HYOU1: variants seen among roughly 807,000 people sequenced by gnomAD.
HYOU1 encodes the protein hypoxia up-regulated protein 1.
HYOU1 carries 40 observed loss-of-function variants against 120.5 expected under a neutral mutation model. That is an observed-to-expected ratio of 0.33 (90% CI 0.26 to 0.43). The LOEUF (loss-of-function observed/expected upper bound fraction) is 0.43. Among genes scored for constraint, HYOU1 ranks in the 20% least tolerant of loss-of-function variants. The pLI is 1.00. For missense variants in HYOU1, 1,085 were observed against 1,278.3 expected, an observed-to-expected ratio of 0.85 and a Z score of 2.31; for synonymous variants, 501 against 479.4, an observed-to-expected ratio of 1.05 and a Z score of -0.59.
At chr11:119,054,720 G>A (rs2133607707) in intron 6 of HYOU1, 45 bp from the exon 7 acceptor site, 1 of 1,576,234 alleles carries the variant, frequency 6.3e-7, no homozygotes, top group Non-Finnish European at 8.6e-7. Flanking sequence ...CCATACCTTA[G>A]ATGAGGGCTT....
chr11:119,045,629 T>G lies in HYOU1; in HGVS notation c.2964A>C (p.Thr988=). ...GAEPEQKEQS[T]GQKRPLKNDE... is the part of the protein sequence containing the mutation. Reference sequence around the variant, plus strand: ...CGTTCTTCAAAGGCCGCTTCTGTCCTGTCGATTGTTCTTTCTGTTCAGGTT... The same window carrying G: ...CGTTCTTCAAAGGCCGCTTCTGTCCGGTCGATTGTTCTTTCTGTTCAGGTT... Residue 988 remains threonine (T), a synonymous_variant, in exon 26 of 26, where the codon ACA becomes ACC. Coordinates refer to ENST00000617285, the MANE Select transcript of HYOU1 (RefSeq NM_006389.5). The G allele has an allele frequency of 6.2e-7, 1 of 1,614,228 alleles. No homozygotes were observed. The highest frequency in any genetic ancestry group is 8.5e-7 in the Non-Finnish European group (1 of 1,180,044).
chr11:119,056,448 C>A (rs547638914), intron 1 of HYOU1: 1 of 516,522 alleles, frequency 1.9e-6, no homozygotes, highest in East Asian at 5.0e-5. Flanking sequence ...GAGACCCGAG[C>A]CTTTTGTCCA....
Position 119,046,435 on chromosome 11 carries a change from G to A in HYOU1, c.2869C>T (p.Pro957Ser), listed in dbSNP as rs2133549879. ...QTEDAEPISE[P>S]EKVETGSEPG... ...AACTCACCAGTCTCTACTTTCTCAG[G>A]TTCTGAAATGGGCTCTGCATCTTCA... The change falls in exon 24 of 26, where the codon CCT becomes TCT. Residue 957 changes from proline to serine, a missense_variant. Pro to Ser is a moderately conservative substitution (Grantham distance 74). This residue lies in a region of HYOU1 where 516 missense variants were observed against 517.1 expected (regional missense o/e 1.00). Transcript: ENST00000617285. 2 of 1,614,118 alleles carry A rather than the reference G, an allele frequency of 1.2e-6. No individual in the cohort carries two copies. Among genetic ancestry groups the A allele is most frequent in the Non-Finnish European group, 1.7e-6 (2 of 1,180,028 alleles).
At position 119,051,713 on chromosome 11, in the gene HYOU1, A is replaced by AC; in HGVS notation, c.1339-89dup. ...TAAGGATGGGGGTGGGATGGGGGAG[A>AC]CCTCTTAGCAGAAAGACAAAGGGAT... On this transcript the variant is annotated intron_variant, in intron 12 of 25. Coordinates refer to ENST00000617285, the MANE Select transcript of HYOU1 (RefSeq NM_006389.5). The surrounding 1 kb of genome is among the most constrained non-coding windows in gnomAD (Gnocchi z 4.2). The AC allele has an allele frequency of 6.3e-7, 1 of 1,593,040 alleles. No individual in the cohort carries two copies. Among genetic ancestry groups the AC allele is most frequent in the Non-Finnish European group, 8.6e-7 (1 of 1,164,418 alleles).
intron 14 of HYOU1, among the ~76,000 whole-genome samples, chr11:119,050,342 G>A (rs1347472346): frequency 6.6e-6 from 1 of 152,048 alleles, no homozygotes; most frequent in African/African-American, 2.4e-5. Flanking sequence ...GAACCCGGGA[G>A]GCGGAGGTTG....
Position 119,049,040 on chromosome 11 carries a change from T to C in HYOU1, c.1970A>G (p.Asn657Ser), listed in dbSNP as rs1944253990. 6.2e-7 allele frequency: 1 copy of C among 1,614,028 alleles called. No homozygotes were observed. The highest frequency in any genetic ancestry group is 1.7e-5 in the Admixed American group (1 of 59,998). Reference sequence around the variant, plus strand: ...CACCTGGGCCTCAGACTTGTCCCCATTTTCTTTTTCTGTGGCCTTTTCTCC... The same window carrying C: ...CACCTGGGCCTCAGACTTGTCCCCACTTTCTTTTTCTGTGGCCTTTTCTCC... ...PEGEKATEKE[N>S]GDKSEAQKPS... The change falls in exon 17 of 26, where the codon AAT (asparagine) becomes AGT (serine). Residue 657 changes from asparagine to serine, a missense_variant. By Grantham distance (46) the Asn-to-Ser change is conservative. Transcript: ENST00000617285.
intron 24 of HYOU1, among the ~76,000 whole-genome samples, chr11:119,046,125 TC>T (rs1447906038): frequency 6.6e-6 from 1 of 151,984 alleles, no homozygotes; most frequent in Non-Finnish European, 1.5e-5. Context: ...CACGCCTGAC[TC>T]TTTTTTTTGG....
Position 119,051,482 on chromosome 11 carries a change from G to C in HYOU1, c.1482C>G (p.His494Gln). 6.2e-7 allele frequency: 1 copy of C among 1,614,138 alleles called. No individual in the cohort carries two copies. The highest frequency in any genetic ancestry group is 8.5e-7 in the Non-Finnish European group (1 of 1,180,018). ...FNRYSHDFNFHINYGDLGFLG... is the reference protein window; with the variant it reads ...FNRYSHDFNFQINYGDLGFLG... Reference sequence around the variant, plus strand: ...GGAAGCCCAGGTCGCCGTAGTTGATGTGGAAGTTGAAATCATGGCTGTAGC... The same window carrying C: ...GGAAGCCCAGGTCGCCGTAGTTGATCTGGAAGTTGAAATCATGGCTGTAGC... The change falls in exon 13 of 26, where the codon CAC (histidine) becomes CAG (glutamine). Residue 494 changes from histidine to glutamine, a missense_variant. Around this residue, in one of 4 missense-constraint regions of HYOU1, gnomAD observed 515 missense variants for 677.8 expected, o/e 0.76. Coordinates refer to ENST00000617285, the MANE Select transcript of HYOU1 (RefSeq NM_006389.5). This position sits in a 1 kb window ranked among gnomAD's most constrained non-coding sequence, Gnocchi z 4.2.
Position 119,055,544 on chromosome 11 carries a change from G to T in HYOU1, c.213C>A (p.Ile71=), listed in dbSNP as rs2133614064. 4 of 1,613,880 alleles carry T rather than the reference G, an allele frequency of 2.5e-6. No homozygotes were observed. Among genetic ancestry groups the T allele is most frequent in the Non-Finnish European group, 2.5e-6 (3 of 1,179,978 alleles). ...NKESRRKTPV[I]VTLKENERFF... Reference sequence around the variant, plus strand: ...ATCTTTCATTTTCTTTCAGGGTCACGATCACCGGTGTTTTCCTCCGAGATT... The same window carrying T: ...ATCTTTCATTTTCTTTCAGGGTCACTATCACCGGTGTTTTCCTCCGAGATT... Residue 71 remains isoleucine (I), a synonymous_variant, in exon 4 of 26, where the codon ATC becomes ATA. Transcript: ENST00000617285. This position sits in a 1 kb window ranked among gnomAD's most constrained non-coding sequence, Gnocchi z 4.0.
At chr11:119,050,374 C>T (rs1040493414) in intron 14 of HYOU1, among the ~76,000 whole-genome samples, 1 of 151,960 alleles carries the variant, frequency 6.6e-6, no homozygotes, top group Non-Finnish European at 1.5e-5. Context: ...CACTGTACTC[C>T]AGCCTGGACA....
Position 119,048,153 on chromosome 11 carries a change from T to C in HYOU1, c.2377-73A>G. 8.1e-6 allele frequency: 13 copies of C among 1,611,330 alleles called. No homozygotes were observed. The highest frequency in any genetic ancestry group is 1.0e-5 in the Non-Finnish European group (12 of 1,179,354). ...GCCTGGAGTCAGCCCCATGTCCTTCTTTATGGGCTCAAGCCCCAGCTCTTC... is the reference window on the plus strand; with the variant it reads ...GCCTGGAGTCAGCCCCATGTCCTTCCTTATGGGCTCAAGCCCCAGCTCTTC... On this transcript the variant is annotated intron_variant, in intron 20 of 25. Coordinates refer to ENST00000617285, the MANE Select transcript of HYOU1 (RefSeq NM_006389.5). This position sits in a 1 kb window ranked among gnomAD's most constrained non-coding sequence, Gnocchi z 4.7.
intron 21 of HYOU1, 49 bp from the exon 22 acceptor site, chr11:119,047,867 A>C (rs2133559068): frequency 6.2e-7 from 1 of 1,612,644 alleles, no homozygotes; most frequent in Admixed American, 1.7e-5. Context: ...AGGGGCCTGG[A>C]GTGTGGGGAG....
At position 119,045,773 on chromosome 11, in the gene HYOU1, A is replaced by G. The variant is rs1944025947; in HGVS notation, c.2938+8T>C. The stretch of plus-strand genomic sequence containing the variant: ...GGCTTCCCACCGTAGCCCCGGCTCC[A>G]TCCTCACCTGCTCCAGGACCTCCTA... On this transcript the variant is annotated splice_region_variant and intron_variant, in intron 25 of 25. Coordinates refer to ENST00000617285, the MANE Select transcript of HYOU1 (RefSeq NM_006389.5). The G allele has an allele frequency of 1.2e-6, 2 of 1,612,898 alleles. No homozygotes were observed. Among genetic ancestry groups the G allele is most frequent in the African/African-American group, 2.7e-5 (2 of 74,736 alleles).
chr11:119,046,743 C>A lies in HYOU1; in HGVS notation c.2655G>T (p.Val885=), dbSNP rs2133552990. The A allele has an allele frequency of 1.2e-6, 2 of 1,607,666 alleles. No individual in the cohort carries two copies. Among genetic ancestry groups the A allele is most frequent in the Non-Finnish European group, 1.7e-6 (2 of 1,180,012 alleles). ...QAKLPATEKP[V]LLSKDIEAKM... is the part of the protein sequence containing the mutation. ...TAGCTTCAATGTCTTTTGAGAGCAACACAGGCTTCTCTGTGGCGGGCAGCT... is the reference window on the plus strand; with the variant it reads ...TAGCTTCAATGTCTTTTGAGAGCAAAACAGGCTTCTCTGTGGCGGGCAGCT... The change falls in exon 23 of 26, where the codon GTG becomes GTT. Residue 885 remains valine (V), a synonymous_variant. Transcript: ENST00000617285.
In HYOU1 at chr11:119,052,098, G is replaced by A. The variant is rs2133590323; in HGVS notation, c.1197C>T (p.Ala399=). Residue 399 remains alanine (A), a synonymous_variant, in exon 11 of 26, where the codon GCC becomes GCT. Coordinates refer to ENST00000617285, the MANE Select transcript of HYOU1 (RefSeq NM_006389.5). This position sits in a 1 kb window ranked among gnomAD's most constrained non-coding sequence, Gnocchi z 5.0. ...VPRVQEVLLK[A]VGKEELGKNI... ...CTAGCCCCCACACTCACTTGCCCAC[G>A]GCCTTCAGCAGCACCTCCTGAACTC... The A allele has an allele frequency of 1.1e-5, 17 of 1,614,102 alleles. No homozygotes were observed. Among genetic ancestry groups the A allele is most frequent in the South Asian group, 4.4e-5 (4 of 91,080 alleles).
At position 119,056,603 on chromosome 11, in the gene HYOU1, G is replaced by C. The variant is rs144092248; in HGVS notation, c.-8+417C>G. Among the ~76,000 whole-genome samples, 378 of 152,362 alleles carry C rather than the reference G, an allele frequency of 2.5e-3. 1 individual carries two copies. Among genetic ancestry groups the C allele is most frequent in the African/African-American group, 8.4e-3 (349 of 41,596 alleles). Reference sequence around the variant, plus strand: ...CGGGGAAAGCCAGCTGGGCCTGGACGGGAAGAGAAAGGTAATGACGTTGGG... The same window carrying C: ...CGGGGAAAGCCAGCTGGGCCTGGACCGGAAGAGAAAGGTAATGACGTTGGG... On this transcript the variant is annotated intron_variant, in intron 1 of 25. Coordinates refer to ENST00000617285, the MANE Select transcript of HYOU1 (RefSeq NM_006389.5).
In HYOU1 at chr11:119,055,175, G is replaced by A. The variant is rs2133610813; in HGVS notation, c.419+10C>T. ...GTTGCCGAGACCACCTTCCCCAACA[G>A]AGCACTCACGAGCTGATCTGAAAGT... On this transcript the variant is annotated intron_variant, in intron 5 of 25. Coordinates refer to ENST00000617285, the MANE Select transcript of HYOU1 (RefSeq NM_006389.5). The surrounding 1 kb of genome is among the most constrained non-coding windows in gnomAD (Gnocchi z 4.0). 6 of 1,612,086 alleles carry A rather than the reference G, an allele frequency of 3.7e-6. No individual in the cohort carries two copies. Among genetic ancestry groups the A allele is most frequent in the South Asian group, 1.1e-5 (1 of 90,932 alleles).
In HYOU1 at chr11:119,045,004, T is replaced by G. The variant is rs1943982883; in HGVS notation, c.*589A>C. ...GCAAGGGGCAGAGAACTGCCCAATT[T>G]GCTGCAGGAAGCCAAGGAAACCCAG... On this transcript the variant is annotated 3_prime_UTR_variant, in exon 26 of 26. Transcript: ENST00000617285. The G allele has an allele frequency of 2.4e-6, 1 of 422,384 alleles. No homozygotes were observed. The highest frequency in any genetic ancestry group is 5.0e-6 in the Non-Finnish European group (1 of 201,650). 26.2% of individuals were successfully genotyped at this position (422,384 alleles called of 1,614,324 possible).
Position 119,051,158 on chromosome 11 carries a change from C to G in HYOU1, c.1542G>C (p.Gln514His). ...CTTTTAGCTTCACTGTGGTCAGATT[C>G]TGGGAGCCAAATACCCTGGTTGGGA... ...GPEDLRVFGS[Q>H]NLTTVKLKGV... Residue 514 changes from glutamine (Q) to histidine (H), a missense_variant, in exon 14 of 26, where the codon CAG (glutamine) becomes CAC (histidine). Around this residue, in one of 4 missense-constraint regions of HYOU1, gnomAD observed 515 missense variants for 677.8 expected, o/e 0.76. Transcript: ENST00000617285. This position sits in a 1 kb window ranked among gnomAD's most constrained non-coding sequence, Gnocchi z 4.2. 7 of 1,614,208 alleles carry G rather than the reference C, an allele frequency of 4.3e-6. No homozygotes were observed. Among genetic ancestry groups the G allele is most frequent in the Non-Finnish European group, 5.1e-6 (6 of 1,180,030 alleles).
Sources: gnomAD v4.1 joint callset for allele counts (sites outside exome capture counted in the v4.1 genomes callset) on GRCh38, gnomAD v4.1.1 for gene constraint, gnomAD v4.1.1 regional missense constraint, Gnocchi (gnomAD v3.1) non-coding constraint, MANE v1.5 for transcripts, NCBI Gene and HGNC (gene_info 2026-07-23, HGNC 2026-07-21) for gene names.